Variants in SLC38A11 observed in about 807,000 individuals in gnomAD.
SLC38A11 encodes the protein solute carrier family 38 member 11.
In SLC38A11, 51 loss-of-function variants were observed where a neutral mutation model predicts 49.4. That is an observed-to-expected ratio of 1.03 (90% confidence interval 0.83 to 1.30). SLC38A11 has a LOEUF of 1.30. SLC38A11 is among the 50% of genes most tolerant of loss of function. The probability of loss-of-function intolerance (pLI) is 0.00; values close to 1 mark genes in which losing one functional copy is unlikely to be tolerated. For synonymous variants in SLC38A11, 203 were observed against 192.9 expected, an observed-to-expected ratio of 1.05 and a Z score of -0.43; for missense variants, 574 against 556.2, an observed-to-expected ratio of 1.03 and a Z score of -0.32.
At chr2:164,937,895 G>A (rs1476159099) in intron 6 of SLC38A11, among the ~76,000 whole-genome samples, 1 of 150,940 alleles carries the variant, frequency 6.6e-6, no homozygotes, top group Non-Finnish European at 1.5e-5. Flanking sequence ...TTTTTTTGAG[G>A]AGGGGTATCT....
At chr2:164,915,310 C>A in intron 8 of SLC38A11, 37 bp from the exon 9 acceptor site, 1 of 1,546,096 alleles carries the variant, frequency 6.5e-7, no homozygotes, top group Non-Finnish European at 8.7e-7. Flanking sequence ...TTAAATCAAG[C>A]ACCAGGGTTT....
chr2:164,935,703 A>T (rs1358204329), intron 7 of SLC38A11, among the ~76,000 whole-genome samples: 1 of 151,968 alleles, frequency 6.6e-6, no homozygotes, highest in Non-Finnish European at 1.5e-5. Context: ...AAGTAAAAAC[A>T]AAACAAAAAA....
In SLC38A11 at chr2:164,934,277, G is replaced by A. The variant is rs149137620; in HGVS notation, c.617+3073C>T. ...ATAAAAAATACTGAAAGAAACAAGC[G>A]GAGAATGCATCATGAAAAATGATCA... On this transcript the variant is annotated intron_variant, in intron 7 of 11. Coordinates refer to ENST00000685975, the MANE Select transcript of SLC38A11 (RefSeq NM_001351537.2). Among the ~76,000 whole-genome samples, 71 of 152,048 alleles carry A rather than the reference G, an allele frequency of 4.7e-4. 1 individual carries two copies. The East Asian group carries it at 0.013, about 28-fold the overall frequency.
chr2:164,932,433 T>C (rs1265881885), intron 7 of SLC38A11, among the ~76,000 whole-genome samples: 2 of 152,088 alleles, frequency 1.3e-5, no homozygotes, highest in East Asian at 1.9e-4. Context: ...GGAATATAGA[T>C]GGTTTTATCA....
intron 7 of SLC38A11, among the ~76,000 whole-genome samples, chr2:164,916,397 T>C (rs1685790289): frequency 6.6e-6 from 1 of 152,082 alleles, no homozygotes; most frequent in Admixed American, 6.6e-5. Context: ...CAAGAAAAAT[T>C]TAGTCAGCAC....
chr2:164,945,973 A>G (rs1398458829), intron 3 of SLC38A11, among the ~76,000 whole-genome samples: 1 of 152,228 alleles, frequency 6.6e-6, no homozygotes, highest in Non-Finnish European at 1.5e-5. Flanking sequence ...TGCAAAGAAC[A>G]GGACAGAAAA....
At chr2:164,927,130 T>C (rs1686657730) in intron 7 of SLC38A11, among the ~76,000 whole-genome samples, 2 of 152,180 alleles carry the variant, frequency 1.3e-5, no homozygotes, top group Admixed American at 1.3e-4. Context: ...GTTCAGCGTC[T>C]TTTTGTTCTT....
At chr2:164,934,215 A>G (rs1687201846) in intron 7 of SLC38A11, among the ~76,000 whole-genome samples, 3 of 152,158 alleles carry the variant, frequency 2.0e-5, no homozygotes. Flanking sequence ...TTATTTCTCT[A>G]TGTATTCATG....
At chr2:164,908,869 C>G (rs1046671616) in intron 10 of SLC38A11, 98 bp from the exon 11 acceptor site, 22 of 1,312,984 alleles carry the variant, frequency 1.7e-5, no homozygotes, top group Non-Finnish European at 2.3e-5. Flanking sequence ...ATATAAAATA[C>G]TACCAACAAG....
At chr2:164,918,382 G>T (rs1402984399) in intron 7 of SLC38A11, among the ~76,000 whole-genome samples, 3 of 151,964 alleles carry the variant, frequency 2.0e-5, no homozygotes, top group Admixed American at 2.0e-4. Flanking sequence ...GATTAATGAA[G>T]GAAAGAAGCT....
At chr2:164,924,166 C>G (rs1434766912) in intron 7 of SLC38A11, among the ~76,000 whole-genome samples, 1 of 152,142 alleles carries the variant, frequency 6.6e-6, no homozygotes, top group Non-Finnish European at 1.5e-5. Flanking sequence ...TCCTTTGCAG[C>G]TACATGGATG....
intron 7 of SLC38A11, among the ~76,000 whole-genome samples, chr2:164,929,183 C>T (rs578000609): frequency 9.2e-5 from 14 of 152,212 alleles, no homozygotes; most frequent in African/African-American, 2.9e-4. Context: ...TTTCTCTAAC[C>T]TGGCTTCCAC....
chr2:164,930,289 C>A (rs953262895), intron 7 of SLC38A11, among the ~76,000 whole-genome samples: 1 of 152,078 alleles, frequency 6.6e-6, no homozygotes, highest in South Asian at 2.1e-4. Context: ...AAGCCCAGGA[C>A]GAGAACGATT....
chr2:164,906,496 A>G (rs1685016958), intron 11 of SLC38A11, among the ~76,000 whole-genome samples: 1 of 152,112 alleles, frequency 6.6e-6, no homozygotes. Context: ...GTGGTTAAGT[A>G]TTTTTGTCTT....
At position 164,898,359 on chromosome 2, in the gene SLC38A11, T is replaced by C. The variant is rs1684437052; in HGVS notation, c.*78A>G. 3.7e-6 allele frequency: 4 copies of C among 1,078,914 alleles called. No individual in the cohort carries two copies. The allele number at this position is 1,078,914 out of a possible 1,614,324, so 66.8% of individuals were successfully genotyped here. ...GCCAAAATAATAATTTTATATAACA[T>C]AAATACAGACTAAAGCAAGCGTAAA... On this transcript the variant is annotated 3_prime_UTR_variant, in exon 12 of 12. Transcript: ENST00000685975.
In SLC38A11 at chr2:164,930,251, C is replaced by A. The variant is rs139291303; in HGVS notation, c.617+7099G>T. ...CCAATAATGAGCTCTGAAATGGAAT[C>A]AATAATAAATAGCCTACCAACCAAA... On this transcript the variant is annotated intron_variant, in intron 7 of 11. Coordinates refer to ENST00000685975, the MANE Select transcript of SLC38A11 (RefSeq NM_001351537.2). Among the ~76,000 whole-genome samples the A allele has an allele frequency of 1.7e-3, 255 of 152,070 alleles. 3 individuals carry two copies. The highest frequency in any genetic ancestry group is 5.8e-3 in the African/African-American group (239 of 41,466).
chr2:164,915,212 A>G lies in SLC38A11; in HGVS notation c.750T>C (p.Ala250=). The G allele has an allele frequency of 6.2e-7, 1 of 1,612,510 alleles. No individual in the cohort carries two copies. The highest frequency in any genetic ancestry group is 8.5e-7 in the Non-Finnish European group (1 of 1,178,990). Reference sequence around the variant, plus strand: ...ACATATGGATAAGGCGGGACCACTTAGCTACTGTGGGTTCTTCTAGAGAAC... The same window carrying G: ...ACATATGGATAAGGCGGGACCACTTGGCTACTGTGGGTTCTTCTAGAGAAC... The part of the protein sequence containing the change: ...VYSSLEEPTV[A]KWSRLIHMSI... The change falls in exon 9 of 12, where the codon GCT becomes GCC. Residue 250 remains alanine, a synonymous_variant. Transcript: ENST00000685975.
At chr2:164,925,931 A>T (rs1280805562) in intron 7 of SLC38A11, among the ~76,000 whole-genome samples, 1 of 152,154 alleles carries the variant, frequency 6.6e-6, no homozygotes, top group Non-Finnish European at 1.5e-5. Context: ...TAGTTCTCCA[A>T]GCTGGAAACT....
intron 11 of SLC38A11, among the ~76,000 whole-genome samples, chr2:164,900,344 G>T (rs1435668697): frequency 1.3e-5 from 2 of 152,038 alleles, no homozygotes; most frequent in African/African-American, 2.4e-5. Flanking sequence ...TCATATAATG[G>T]TTCTATTTTT....
Sources: allele counts gnomAD v4.1 joint callset (sites outside exome capture counted in the v4.1 genomes callset), GRCh38; gene constraint gnomAD v4.1.1; transcripts MANE v1.5; gene names NCBI Gene and HGNC (gene_info 2026-07-23, HGNC 2026-07-21).